The following CAVIN4 variants were observed in gnomAD, a reference collection of about 807,000 sequenced individuals.
The protein encoded by CAVIN4 is caveolae associated protein 4.
Under a neutral mutation model 18.6 loss-of-function variants are expected in CAVIN4, and 10 were observed. The observed-to-expected ratio is 0.54, with a 90% CI of 0.33 to 0.91. The LOEUF is 0.91. Ranked by LOEUF, CAVIN4 falls within the 40% of genes least tolerant of loss-of-function variation. The probability of loss-of-function intolerance (pLI) is 0.02; values close to 1 mark genes in which losing one functional copy is unlikely to be tolerated. For missense variants in CAVIN4, 459 were observed against 440.5 expected (o/e 1.04, Z -0.38); for synonymous variants, 173 against 164.8 (o/e 1.05, Z -0.38).
chr9:100,578,386 T>G lies in CAVIN4; in HGVS notation c.243T>G (p.Asn81Lys), dbSNP rs149165620. The change falls in exon 1 of 2, where the codon AAT (asparagine) becomes AAG (lysine). Residue 81 changes from asparagine to lysine, a missense_variant. Coordinates refer to ENST00000307584, the MANE Select transcript of CAVIN4 (RefSeq NM_001018116.2). ...TGAAGCTTTCACAGTCGCATAGCAATACAGGGCATATCATTAACAAATTGT... is the reference window on the plus strand; with the variant it reads ...TGAAGCTTTCACAGTCGCATAGCAAGACAGGGCATATCATTAACAAATTGT... The part of the protein sequence containing the change: ...DLLKLSQSHS[N>K]TGHIINKLFE... The G allele has an allele frequency of 1.5e-4, 250 of 1,614,110 alleles. No homozygotes were observed. In the African/African-American group the frequency reaches 3.2e-3, roughly 21 times the overall value.
upstream of CAVIN4, chr9:100,576,940 C>A: frequency 5.7e-6 from 1 of 174,872 alleles, no homozygotes. Context: ...AGCAAATGAC[C>A]AAGCATGAAC....
intron 1 of CAVIN4, among the ~76,000 whole-genome samples, chr9:100,582,526 C>T (rs1045013883): frequency 2.6e-5 from 4 of 152,046 alleles, no homozygotes; most frequent in African/African-American, 9.7e-5. Context: ...TTAAAATTTT[C>T]GTGGAGGTCT....
intron 1 of CAVIN4, among the ~76,000 whole-genome samples, chr9:100,579,142 A>G (rs1382378798): frequency 6.6e-6 from 1 of 152,226 alleles, no homozygotes; most frequent in Non-Finnish European, 1.5e-5. Flanking sequence ...CAAATATATG[A>G]GTCACATAAG....
chr9:100,581,247 G>T (rs971732790), intron 1 of CAVIN4: 1 of 152,232 alleles, frequency 6.6e-6, no homozygotes, highest in African/African-American at 2.4e-5. Context: ...TCGACCAAGC[G>T]TGCGGCTTCG....
chr9:100,577,995 G>A (rs1839382960), upstream of CAVIN4: 8 of 692,196 alleles, frequency 1.2e-5, no homozygotes, highest in Non-Finnish European at 2.0e-5. Flanking sequence ...TCACATATGG[G>A]TATTTGTAGT....
rs200636428 is a variant in CAVIN4, at chr9:100,585,836, T to G, written c.480T>G (p.Asp160Glu). 4 of 1,613,998 alleles carry G rather than the reference T, an allele frequency of 2.5e-6. No individual in the cohort carries two copies. In the South Asian group the frequency reaches 3.3e-5, roughly 13 times the overall value. The change falls in exon 2 of 2, where the codon GAT becomes GAG. Residue 160 changes from aspartate to glutamate, a missense_variant. Physicochemically the swap from Asp to Glu is conservative, Grantham distance 45. Transcript: ENST00000307584. ...ACCTAACTGAGAACCAAGAAGAGGA[T>G]GATGATGATATCTTTGATCCCCCAG... ...DRNLTENQEE[D>E]DDDIFDPPVD...
chr9:100,583,601 C>CT (rs1302462076), intron 1 of CAVIN4, among the ~76,000 whole-genome samples: 1 of 151,362 alleles, frequency 6.6e-6, no homozygotes, highest in Non-Finnish European at 1.5e-5. Flanking sequence ...TGGCACTACT[C>CT]TCCTGCAAGC....
At chr9:100,581,745 G>GT (rs1839433087) in intron 1 of CAVIN4, among the ~76,000 whole-genome samples, 2 of 152,130 alleles carry the variant, frequency 1.3e-5, no homozygotes, top group Admixed American at 6.5e-5. Context: ...GCAAGATTGT[G>GT]TTTTTTCCCC....
Position 100,578,321 on chromosome 9 carries a change from G to A in CAVIN4, c.178G>A (p.Glu60Lys). 6.2e-7 allele frequency: 1 copy of A among 1,614,048 alleles called. No homozygotes were observed. The highest frequency in any genetic ancestry group is 8.5e-7 in the Non-Finnish European group (1 of 1,179,982). ...SQKRIEERHR[E>K]MENAIKSVQI... ...GAAGAGAATAGAAGAGAGACACAGG[G>A]AAATGGAAAATGCCATAAAATCCGT... Residue 60 changes from glutamate to lysine, a missense_variant, in exon 1 of 2, where the codon GAA becomes AAA. Coordinates refer to ENST00000307584, the MANE Select transcript of CAVIN4 (RefSeq NM_001018116.2).
At chr9:100,583,985 C>G (rs746773379) in intron 1 of CAVIN4, among the ~76,000 whole-genome samples, 2 of 152,152 alleles carry the variant, frequency 1.3e-5, no homozygotes, top group Non-Finnish European at 2.9e-5. Flanking sequence ...ATGCTCAGAC[C>G]TCACCATTGG....
Position 100,578,272 on chromosome 9 carries a change from C to T in CAVIN4, c.129C>T (p.Ile43=), listed in dbSNP as rs370183148. 19 of 1,613,876 alleles carry T rather than the reference C, an allele frequency of 1.2e-5. No homozygotes were observed. Among genetic ancestry groups the T allele is most frequent in the Admixed American group, 3.3e-5 (2 of 59,976 alleles). The part of the protein sequence containing the change: ...IVTVLDKVAS[I]VDSVQASQKR... ...CTGTGCTGGACAAAGTAGCCTCCAT[C>T]GTGGACAGTGTGCAGGCAAGCCAGA... The change falls in exon 1 of 2, where the codon ATC becomes ATT. Residue 43 remains isoleucine, a synonymous_variant. Transcript: ENST00000307584.
rs1282888853 is a variant in CAVIN4, at chr9:100,588,386, A to T, written c.*1935A>T. 1.3e-5 allele frequency among the ~76,000 whole-genome samples: 2 copies of T among 152,222 alleles called. No individual in the cohort carries two copies. The highest frequency in any genetic ancestry group is 2.9e-5 in the Non-Finnish European group (2 of 68,036). On this transcript the variant is annotated 3_prime_UTR_variant, in exon 2 of 2. Transcript: ENST00000307584. The stretch of plus-strand genomic sequence containing the variant: ...GAACCATAATAAATTTGAATTTAAG[A>T]AAATGTTATTACAACATTTGATGTT...
chr9:100,586,384 C>A lies in CAVIN4; in HGVS notation c.1028C>A (p.Thr343Asn). ...CCCACCCCCGAGCCTTTAAAAGTTACTTTTAAATCTCAGGTGAAAGTAGAG... is the reference window on the plus strand; with the variant it reads ...CCCACCCCCGAGCCTTTAAAAGTTAATTTTAAATCTCAGGTGAAAGTAGAG... ...EIPTPEPLKV[T>N]FKSQVKVEDD... Residue 343 changes from threonine (T) to asparagine (N), a missense_variant, in exon 2 of 2, where the codon ACT becomes AAT. Coordinates refer to ENST00000307584, the MANE Select transcript of CAVIN4 (RefSeq NM_001018116.2). The A allele has an allele frequency of 6.2e-7, 1 of 1,614,046 alleles. No individual in the cohort carries two copies. Among genetic ancestry groups the A allele is most frequent in the Non-Finnish European group, 8.5e-7 (1 of 1,179,994 alleles).
At chr9:100,582,704 C>T (rs1392512547) in intron 1 of CAVIN4, among the ~76,000 whole-genome samples, 1 of 152,200 alleles carries the variant, frequency 6.6e-6, no homozygotes, top group Non-Finnish European at 1.5e-5. Context: ...GTTCCCCCTG[C>T]CTCACTGGCT....
rs1259710955 is a variant in CAVIN4 at position 100,578,446 on chromosome 9, A to G, written c.303A>G (p.Lys101=). 2 of 1,613,998 alleles carry G rather than the reference A, an allele frequency of 1.2e-6. No individual in the cohort carries two copies. Among genetic ancestry groups the G allele is most frequent in the Non-Finnish European group, 1.7e-6 (2 of 1,179,856 alleles). ...CCCGAAAAGTTAGTGCTCACATTAA[A>G]GATGTGAAAGCCCGGGTGGAGAAGC... ...EKTRKVSAHI[K]DVKARVEKQQ... is the part of the protein sequence containing the mutation. Residue 101 remains lysine, a synonymous_variant, in exon 1 of 2, where the codon AAA becomes AAG. Transcript: ENST00000307584.
In CAVIN4 at chr9:100,585,750, T is replaced by A; in HGVS notation, c.409-15T>A. 1.2e-6 allele frequency: 2 copies of A among 1,610,568 alleles called. No homozygotes were observed. The highest frequency in any genetic ancestry group is 1.7e-6 in the Non-Finnish European group (2 of 1,177,156). On this transcript the variant is annotated splice_polypyrimidine_tract_variant and intron_variant, in intron 1 of 1. Transcript: ENST00000307584. ...AAAGGAAGCACTAATATGCTTTGTT[T>A]TTTCTCTCCTTCAGGAGAAGTTTCG...
At chr9:100,578,968 C>G (rs1286641341) in intron 1 of CAVIN4, among the ~76,000 whole-genome samples, 1 of 152,130 alleles carries the variant, frequency 6.6e-6, no homozygotes, top group Non-Finnish European at 1.5e-5. Context: ...CAACCAGTAG[C>G]AGTGGTTTTT....
intron 1 of CAVIN4, among the ~76,000 whole-genome samples, chr9:100,579,404 T>A (rs1839405613): frequency 6.6e-6 from 1 of 152,172 alleles, no homozygotes; most frequent in African/African-American, 2.4e-5. Flanking sequence ...ATCAGGCAGT[T>A]TACAAAACAC....
intron 1 of CAVIN4, among the ~76,000 whole-genome samples, chr9:100,580,347 G>A (rs1038887695): frequency 6.6e-6 from 1 of 152,170 alleles, no homozygotes; most frequent in African/African-American, 2.4e-5. Context: ...TCAGAGGCCA[G>A]TTCCAGTGTT....
Sources: allele counts gnomAD v4.1 joint callset (sites outside exome capture counted in the v4.1 genomes callset), GRCh38; gene constraint gnomAD v4.1.1; transcripts MANE v1.5; gene names NCBI Gene and HGNC (gene_info 2026-07-23, HGNC 2026-07-21).